ARHGEF3: variants seen among roughly 807,000 people sequenced by gnomAD.
ARHGEF3 encodes 59.8 kDA protein.
In ARHGEF3, 28 loss-of-function variants were observed where a neutral mutation model predicts 63.2. The ratio of observed to expected loss-of-function variants is 0.44; its 90% CI spans 0.33 to 0.61. The LOEUF is 0.61. Ranked by LOEUF, ARHGEF3 falls within the 20% of genes least tolerant of loss-of-function variation. The pLI, the probability that ARHGEF3 is intolerant of heterozygous loss-of-function variation, is 0.03. For missense variants in ARHGEF3, 533 were observed against 659.3 expected, an observed-to-expected ratio of 0.81 and a Z score of 2.10; for synonymous variants, 266 against 254.2, an observed-to-expected ratio of 1.05 and a Z score of -0.44.
chr3:56,859,198 T>C (rs1265359192), intron 4 of ARHGEF3, among the ~76,000 whole-genome samples: 1 of 152,132 alleles, frequency 6.6e-6, no homozygotes, highest in Non-Finnish European at 1.5e-5. Flanking sequence ...AGTGTAGCGG[T>C]GTGATCTCGG....
intron 4 of ARHGEF3, among the ~76,000 whole-genome samples, chr3:56,834,714 C>T (rs2039050639): frequency 6.9e-6 from 1 of 145,118 alleles, no homozygotes; most frequent in African/African-American, 2.6e-5. Context: ...CATTGCACTC[C>T]AGCCTGGGTG....
In ARHGEF3 at chr3:56,795,585, G is replaced by A. The variant is rs117151881; in HGVS notation, c.96+6118C>T. ...ACAAGTGTTTCTAGACTTAAAAAGA[G>A]CCACTCCTTTCCCAGCCAGTAGAAG... On this transcript the variant is annotated intron_variant, in intron 1 of 9. Coordinates refer to ENST00000296315, the MANE Select transcript of ARHGEF3 (RefSeq NM_019555.3). Among the ~76,000 whole-genome samples, 1,324 of 151,282 alleles carry A rather than the reference G, an allele frequency of 8.8e-3. 63 individuals are homozygous for A. In the East Asian group the frequency reaches 0.11, roughly 13 times the overall value.
intron 2 of ARHGEF3, among the ~76,000 whole-genome samples, chr3:57,003,957 G>T (rs1038426589): frequency 6.6e-6 from 1 of 152,234 alleles, no homozygotes; most frequent in Admixed American, 6.5e-5. Flanking sequence ...TGATCAATGT[G>T]TGTTGTTTGA....
At chr3:56,780,175 T>C (rs2036500838) in intron 1 of ARHGEF3, among the ~76,000 whole-genome samples, 1 of 152,224 alleles carries the variant, frequency 6.6e-6, no homozygotes, top group Non-Finnish European at 1.5e-5. Flanking sequence ...ATAATGACGA[T>C]GAGCACATAG....
chr3:56,807,449 A>C (rs1297319643), intron 4 of ARHGEF3, among the ~76,000 whole-genome samples: 2 of 152,186 alleles, frequency 1.3e-5, no homozygotes, highest in Non-Finnish European at 2.9e-5. Flanking sequence ...CTGATCCCCG[A>C]AAGCCTGGGC....
At chr3:56,926,167 G>A (rs961759467) in intron 3 of ARHGEF3, among the ~76,000 whole-genome samples, 3 of 152,200 alleles carry the variant, frequency 2.0e-5, no homozygotes, top group South Asian at 4.1e-4. Flanking sequence ...CATTCCAGCT[G>A]GTTGTCAGTG....
At chr3:56,827,056 C>T (rs1398533126) in intron 4 of ARHGEF3, among the ~76,000 whole-genome samples, 4 of 152,030 alleles carry the variant, frequency 2.6e-5, no homozygotes, top group African/African-American at 4.8e-5. Context: ...AAAGACCTTG[C>T]TAACTATGAC....
At chr3:56,739,654 C>A (rs971416144) in intron 7 of ARHGEF3, among the ~76,000 whole-genome samples, 1 of 152,084 alleles carries the variant, frequency 6.6e-6, no homozygotes, top group African/African-American at 2.4e-5. Context: ...CCTGCCTCGG[C>A]CTCCCAAAAT....
chr3:56,842,147 T>TC (rs2039333945), intron 4 of ARHGEF3, among the ~76,000 whole-genome samples: 1 of 152,180 alleles, frequency 6.6e-6, no homozygotes, highest in African/African-American at 2.4e-5. Context: ...ACTCAGTTCC[T>TC]CCCCAACGCC....
At chr3:56,783,214 A>G (rs1047554240) in intron 1 of ARHGEF3, among the ~76,000 whole-genome samples, 10 of 152,230 alleles carry the variant, frequency 6.6e-5, no homozygotes, top group African/African-American at 2.4e-4. Flanking sequence ...ATCACACTTT[A>G]TGACAATTTC....
intron 3 of ARHGEF3, among the ~76,000 whole-genome samples, chr3:56,909,744 T>C (rs1304831245): frequency 6.6e-6 from 1 of 152,140 alleles, no homozygotes; most frequent in Non-Finnish European, 1.5e-5. Context: ...TTTAACACCC[T>C]CCACTCCCAG....
intron 4 of ARHGEF3, among the ~76,000 whole-genome samples, chr3:56,831,905 G>A (rs561387795): frequency 1.3e-5 from 2 of 152,332 alleles, no homozygotes; most frequent in East Asian, 1.9e-4. Flanking sequence ...TCTAACAACA[G>A]GCAAGAGGAT....
At chr3:56,967,863 C>CATATTATATATAATATATAATGACATATT (rs1553794065) in intron 2 of ARHGEF3, among the ~76,000 whole-genome samples, 8,723 of 70,922 alleles carry the variant, frequency 0.12, 619 homozygotes, top group East Asian at 0.21. Context: ...TATATAATGA[C>CATATTATATATAATATATAATGACATATT]ATATATAATA....
At chr3:56,844,409 C>A (rs1029112375) in intron 4 of ARHGEF3, among the ~76,000 whole-genome samples, 1 of 152,114 alleles carries the variant, frequency 6.6e-6, no homozygotes, top group African/African-American at 2.4e-5. Context: ...GAAAACTAAG[C>A]ATATTGTCTG....
rs113194771 is a variant in ARHGEF3, at chr3:56,873,068, A to C, written c.192+9224T>G. Among the ~76,000 whole-genome samples, 423 of 152,144 alleles carry C rather than the reference A, an allele frequency of 2.8e-3. 2 individuals carry two copies. The highest frequency in any genetic ancestry group is 9.8e-3 in the African/African-American group (407 of 41,528). ...GGCTGGAGTGCAGTGGCATGATCTC[A>C]GCTCACTGCAGTCTCTGCCTCCTGG... On this transcript the variant is annotated intron_variant, in intron 4 of 12. Coordinates refer to the ARHGEF3 transcript ENST00000338458.
Position 56,888,187 on chromosome 3 carries a change from G to A in ARHGEF3, c.130-5833C>T, listed in dbSNP as rs1179877722. Among the ~76,000 whole-genome samples, 8 of 150,284 alleles carry A rather than the reference G, an allele frequency of 5.3e-5. No homozygotes were observed. The East Asian group carries it at 1.2e-3, about 22-fold the overall frequency. ...TGTTAAAAGAAATTACAGTTGTTTA[G>A]ACATTGGTCCAAGTGGGACATTGGC... On this transcript the variant is annotated intron_variant, in intron 3 of 12. Coordinates refer to the ARHGEF3 transcript ENST00000338458.
At chr3:56,810,404 A>C (rs2038022085) in intron 4 of ARHGEF3, among the ~76,000 whole-genome samples, 1 of 152,100 alleles carries the variant, frequency 6.6e-6, no homozygotes, top group African/African-American at 2.4e-5. Context: ...AGTAACTGGC[A>C]TGGTGGCACA....
intron 4 of ARHGEF3, among the ~76,000 whole-genome samples, chr3:56,842,887 T>C (rs1259174546): frequency 6.6e-6 from 1 of 152,206 alleles, no homozygotes; most frequent in Non-Finnish European, 1.5e-5. Flanking sequence ...CTTTTCTTTA[T>C]TGTCAAAATG....
chr3:56,766,541 T>C (rs1182725062), intron 2 of ARHGEF3, among the ~76,000 whole-genome samples: 1 of 152,190 alleles, frequency 6.6e-6, no homozygotes, highest in Non-Finnish European at 1.5e-5. Flanking sequence ...GTGATAATAA[T>C]AGCAAGTACT....
Sources: allele counts gnomAD v4.1 joint callset (sites outside exome capture counted in the v4.1 genomes callset), GRCh38; gene constraint gnomAD v4.1.1; transcripts MANE v1.5; gene names NCBI Gene and HGNC (gene_info 2026-07-23, HGNC 2026-07-21).